The following MAP3K2 variants were observed in gnomAD, a reference collection of about 807,000 sequenced individuals.
MAP3K2 encodes MAP/ERK kinase kinase 2.
Under a neutral mutation model 80.3 loss-of-function variants are expected in MAP3K2, and 24 were observed. The observed-to-expected ratio is 0.30, with a 90% CI of 0.22 to 0.42. The LOEUF is 0.42. Among genes scored for constraint, MAP3K2 ranks in the 10% least tolerant of loss-of-function variants. The pLI is 1.00. For missense variants in MAP3K2, 608 were observed against 750.1 expected, an observed-to-expected ratio of 0.81 and a Z score of 2.21; for synonymous variants, 244 against 253.7, an observed-to-expected ratio of 0.96 and a Z score of 0.36.
At chr2:127,345,412 A>G (rs1018831652) in intron 1 of MAP3K2, among the ~76,000 whole-genome samples, 1 of 152,248 alleles carries the variant, frequency 6.6e-6, no homozygotes, top group African/African-American at 2.4e-5. Flanking sequence ...GAAGAAACAC[A>G]ATTCAAAAAT....
intron 1 of MAP3K2, among the ~76,000 whole-genome samples, chr2:127,366,876 T>G (rs932040771): frequency 2.2e-4 from 31 of 140,014 alleles, no homozygotes; most frequent in African/African-American, 5.5e-4. Context: ...GTTTTTTTTT[T>G]TTTTTTTTTT....
chr2:127,318,438 A>G (rs1326286551), intron 12 of MAP3K2, 121 bp from the exon 13 acceptor site: 3 of 698,718 alleles, frequency 4.3e-6, no homozygotes, highest in Non-Finnish European at 6.1e-6. Flanking sequence ...TATAAGGAAA[A>G]ATTATGATTA....
intron 1 of MAP3K2, among the ~76,000 whole-genome samples, chr2:127,380,795 T>G (rs1687232008): frequency 6.6e-6 from 1 of 152,234 alleles, no homozygotes; most frequent in Admixed American, 6.5e-5. Context: ...CATTTCTTGT[T>G]AAGTGTGTGT....
intron 10 of MAP3K2, 28 bp from the exon 11 acceptor site, chr2:127,324,022 T>C (rs1353156838): frequency 2.5e-6 from 3 of 1,199,046 alleles, no homozygotes; most frequent in Non-Finnish European, 3.5e-6. Context: ...ATGGTTATCT[T>C]TTATTTAAAA....
chr2:127,368,237 A>G (rs1011097740), intron 1 of MAP3K2, among the ~76,000 whole-genome samples: 1 of 151,760 alleles, frequency 6.6e-6, no homozygotes, highest in Non-Finnish European at 1.5e-5. Context: ...CACAAGAATC[A>G]CTTGAACCCA....
intron 1 of MAP3K2, among the ~76,000 whole-genome samples, chr2:127,382,115 T>C (rs536031009): frequency 2.6e-5 from 4 of 152,348 alleles, no homozygotes; most frequent in South Asian, 4.1e-4. Context: ...TTGGTGGGGA[T>C]GGGTGTACAA....
At chr2:127,341,740 G>C (rs1397145645) in intron 2 of MAP3K2, among the ~76,000 whole-genome samples, 1 of 151,736 alleles carries the variant, frequency 6.6e-6, no homozygotes, top group Non-Finnish European at 1.5e-5. Flanking sequence ...CACTGTGTTA[G>C]CCAGGATGGT....
chr2:127,336,003 TA>T, intron 4 of MAP3K2, 34 bp from the exon 5 acceptor site: 1 of 1,288,118 alleles, frequency 7.8e-7, no homozygotes, highest in Non-Finnish European at 1.1e-6. Context: ...TTTATTTTCT[TA>T]GGCAAAGTTA....
chr2:127,323,877 TGTG>T lies in MAP3K2; in HGVS notation c.838+22_838+24del, dbSNP rs754012830. The T allele has an allele frequency of 4.4e-6, 5 of 1,145,288 alleles. No individual in the cohort carries two copies. In the South Asian group the frequency reaches 4.5e-5, roughly 10 times the overall value. The allele number at this position is 1,145,288 out of a possible 1,614,324, so 70.9% of individuals were successfully genotyped here. A position where few individuals can be genotyped will look rare whatever the true frequency, so the allele number is the denominator to read the frequency against. Reference sequence around the variant, plus strand: ...GTTGTTGAGATTTTTTAACTATTCTTGTGGTCTAATTGCTAGAAACTTACCATC... The same window carrying T: ...GTTGTTGAGATTTTTTAACTATTCTTGTCTAATTGCTAGAAACTTACCATC... On this transcript the variant is annotated intron_variant, in intron 11 of 16. Transcript: ENST00000682094.
chr2:127,340,986 G>A (rs188037362), intron 2 of MAP3K2, among the ~76,000 whole-genome samples: 5 of 151,730 alleles, frequency 3.3e-5, no homozygotes, highest in African/African-American at 1.2e-4. Context: ...TTTCTTTTTG[G>A]GGGGGACGGG....
chr2:127,329,905 G>C lies in MAP3K2; in HGVS notation c.466+16C>G. On this transcript the variant is annotated intron_variant, in intron 7 of 16. Coordinates refer to ENST00000682094, the MANE Select transcript of MAP3K2 (RefSeq NM_001371910.2). Reference sequence around the variant, plus strand: ...GAGAAATCATTCATTTCATAATTCAGACACTAGTTTCTTACCTATTATAGA... The same window carrying C: ...GAGAAATCATTCATTTCATAATTCACACACTAGTTTCTTACCTATTATAGA... 1 of 1,395,958 alleles carries C rather than the reference G, an allele frequency of 7.2e-7. No individual in the cohort carries two copies. Among genetic ancestry groups the C allele is most frequent in the Non-Finnish European group, 1.0e-6 (1 of 984,262 alleles). The allele number at this position is 1,395,958 out of a possible 1,614,324, so 86.5% of individuals were successfully genotyped here.
intron 6 of MAP3K2, 44 bp from the exon 7 acceptor site, chr2:127,330,052 G>T: frequency 8.8e-7 from 1 of 1,141,596 alleles, no homozygotes; most frequent in Non-Finnish European, 1.3e-6. Context: ...TCCTCCTTGG[G>T]GCTTTAAACA....
At chr2:127,328,661 A>G (rs1478152150) in intron 7 of MAP3K2, among the ~76,000 whole-genome samples, 1 of 152,240 alleles carries the variant, frequency 6.6e-6, no homozygotes, top group African/African-American at 2.4e-5. Flanking sequence ...GCATTTCTGC[A>G]TTCCTGAAAC....
intron 5 of MAP3K2, 129 bp downstream of exon 5, chr2:127,335,741 T>G: frequency 3.9e-6 from 2 of 512,268 alleles, no homozygotes; most frequent in Non-Finnish European, 6.9e-6. Context: ...AATTTACTTG[T>G]TTTATCCTTC....
At chr2:127,385,199 G>C (rs1687322136) in intron 1 of MAP3K2, among the ~76,000 whole-genome samples, 1 of 152,066 alleles carries the variant, frequency 6.6e-6, no homozygotes, top group African/African-American at 2.4e-5. Flanking sequence ...AGAGTCCATC[G>C]ATGCGGCAAA....
chr2:127,348,487 C>A (rs1397465828), intron 1 of MAP3K2, among the ~76,000 whole-genome samples: 1 of 152,084 alleles, frequency 6.6e-6, no homozygotes, highest in African/African-American at 2.4e-5. Flanking sequence ...GTGGAATAAG[C>A]CAGATTTTTA....
At chr2:127,353,110 C>T (rs1686725099) in intron 1 of MAP3K2, among the ~76,000 whole-genome samples, 1 of 152,066 alleles carries the variant, frequency 6.6e-6, no homozygotes, top group Non-Finnish European at 1.5e-5. Context: ...CAGCCTCTGC[C>T]CAGCCGCCAC....
intron 12 of MAP3K2, among the ~76,000 whole-genome samples, chr2:127,318,733 A>G (rs1463305553): frequency 6.6e-6 from 1 of 152,214 alleles, no homozygotes; most frequent in Non-Finnish European, 1.5e-5. Flanking sequence ...AACAAGAGAA[A>G]TCTGGGTAAT....
chr2:127,387,272 G>C (rs751599405), intron 1 of MAP3K2, among the ~76,000 whole-genome samples, 180 bp downstream of exon 1: 1 of 152,166 alleles, frequency 6.6e-6, no homozygotes, highest in Middle Eastern at 3.4e-3. Flanking sequence ...TGGATGCAGG[G>C]GGCCCAAGGT....
Sources: gnomAD v4.1 joint callset for allele counts (sites outside exome capture counted in the v4.1 genomes callset) on GRCh38, gnomAD v4.1.1 for gene constraint, MANE v1.5 for transcripts, NCBI Gene and HGNC (gene_info 2026-07-23, HGNC 2026-07-21) for gene names.